The following FNDC1 variants were observed in gnomAD, a reference collection of about 807,000 sequenced individuals.
FNDC1 encodes fibronectin type III domain-containing protein 1.
In FNDC1, 96 loss-of-function variants were observed where a neutral mutation model predicts 168.0. That is an observed-to-expected ratio of 0.57 (90% CI 0.48 to 0.68). The LOEUF is 0.68. Ranked by LOEUF, FNDC1 falls within the 30% of genes least tolerant of loss-of-function variation. The pLI is 0.00. For synonymous variants in FNDC1, 1,099 were observed against 1,025.9 expected, an observed-to-expected ratio of 1.07 and a Z score of -1.36; for missense variants, 2,587 against 2,482.1, an observed-to-expected ratio of 1.04 and a Z score of -0.90.
chr6:159,209,366 A>G (rs962441950), intron 4 of FNDC1, among the ~76,000 whole-genome samples: 5 of 152,210 alleles, frequency 3.3e-5, no homozygotes, highest in Non-Finnish European at 5.9e-5. Context: ...GAAACAAACA[A>G]CACAAACTCT....
At chr6:159,237,482 T>G (rs1783288515) in intron 12 of FNDC1, among the ~76,000 whole-genome samples, 1 of 152,220 alleles carries the variant, frequency 6.6e-6, no homozygotes, top group South Asian at 2.1e-4. Context: ...ATAGAGATAA[T>G]TATAGCTTTC....
rs758984355 is a variant in FNDC1, at chr6:159,232,024, CCTT to C, written c.1519_1521del (p.Leu507del). 2 of 1,613,986 alleles carry C rather than the reference CCTT, an allele frequency of 1.2e-6. No homozygotes were observed. The highest frequency in any genetic ancestry group is 2.2e-5 in the South Asian group (2 of 91,072). ...CTCCCCAAGGGAGAAATGCCAAGGACCTTCTTCTTGACTTGAAGAACAAAATAT... is the reference window on the plus strand; with the variant it reads ...CTCCCCAAGGGAGAAATGCCAAGGACCTTCTTGACTTGAAGAACAAAATAT... On this transcript the variant is annotated inframe_deletion, in exon 11 of 23. Coordinates refer to ENST00000297267, the MANE Select transcript of FNDC1 (RefSeq NM_032532.3). This position sits in a 1 kb window ranked among gnomAD's most constrained non-coding sequence, Gnocchi z 4.9.
Position 159,266,247 on chromosome 6 carries a change from T to C in FNDC1, c.5446+2T>C. On this transcript the variant is annotated splice_donor_variant, in intron 21 of 22. Transcript: ENST00000297267. LOFTEE classifies it high-confidence loss of function. ...TCTACCTCAGTGACAACCTGAAAGG[T>C]AAGTCTTTGTGCATGGTTGGCTATG... The C allele has an allele frequency of 6.2e-7, 1 of 1,613,806 alleles. No homozygotes were observed. Among genetic ancestry groups the C allele is most frequent in the Non-Finnish European group, 8.5e-7 (1 of 1,179,738 alleles).
intron 1 of FNDC1, among the ~76,000 whole-genome samples, chr6:159,192,466 A>G (rs1191186621): frequency 2.6e-5 from 4 of 152,184 alleles, no homozygotes; most frequent in Admixed American, 2.6e-4. Flanking sequence ...TATTCTGAGA[A>G]ATAGTGCTTG....
intron 1 of FNDC1, among the ~76,000 whole-genome samples, chr6:159,196,310 C>G (rs757151907): frequency 2.6e-5 from 4 of 152,318 alleles, no homozygotes; most frequent in Admixed American, 2.6e-4. Context: ...CAAATTCATA[C>G]TCTTCTTTCA....
rs541907018 is a variant in FNDC1 at position 159,197,747 on chromosome 6, G to C, written c.304+122G>C. On this transcript the variant is annotated intron_variant, in intron 2 of 22. Transcript: ENST00000297267. ...GGCTCAAGGTCCCTTACGGTTCTTT[G>C]GGAATGGAGAGCTGAGTTCTGAGAT... 2.1e-5 allele frequency: 18 copies of C among 863,024 alleles called. No individual in the cohort carries two copies. The South Asian group carries it at 3.4e-4, about 16-fold the overall frequency. 53.5% of individuals were successfully genotyped at this position (863,024 alleles called of 1,614,324 possible).
Position 159,239,695 on chromosome 6 carries a change from C to G in FNDC1, c.4359C>G (p.Pro1453=). ...TTHPPTTTMQ[P]TTTTTPLPTT... ...ATCCCCCTACCACTACCATGCAGCCCACCACTACTACGACGCCCCTGCCTA... is the reference window on the plus strand; with the variant it reads ...ATCCCCCTACCACTACCATGCAGCCGACCACTACTACGACGCCCCTGCCTA... Residue 1453 remains proline, a synonymous_variant, in exon 14 of 23, where the codon CCC becomes CCG. Transcript: ENST00000297267. 1 of 1,551,170 alleles carries G rather than the reference C, an allele frequency of 6.4e-7. No homozygotes were observed. Among genetic ancestry groups the G allele is most frequent in the Non-Finnish European group, 8.7e-7 (1 of 1,146,930 alleles).
chr6:159,231,758 G>C (rs1459911194), intron 10 of FNDC1, 124 bp from the exon 11 acceptor site: 21 of 718,692 alleles, frequency 2.9e-5, no homozygotes, highest in Non-Finnish European at 4.5e-5. Context: ...TAAGGAATTA[G>C]AAGTTAGCCA....
chr6:159,269,597 GTCTATCTA>G (rs201581423), intron 22 of FNDC1, among the ~76,000 whole-genome samples: 62,706 of 122,540 alleles, frequency 0.51, 16,620 homozygotes, highest in Non-Finnish European at 0.61. Context: ...CTGTCTGTCT[GTCTATCTA>G]TCTATCTATC....
chr6:159,232,466 C>G lies in FNDC1; in HGVS notation c.1954C>G (p.Arg652Gly), dbSNP rs552768977. The change falls in exon 11 of 23, where the codon CGC (arginine) becomes GGC (glycine). Residue 652 changes from arginine (R) to glycine (G), a missense_variant. By Grantham distance (125) the Arg-to-Gly change is moderately radical (BLOSUM62 -2). Transcript: ENST00000297267. This position sits in a 1 kb window ranked among gnomAD's most constrained non-coding sequence, Gnocchi z 4.9. ...CTTGGTGGACTCAGACGAAGATGAGCGCGCTGTGGGCTCCCTCCACCCCAA... is the reference window on the plus strand; with the variant it reads ...CTTGGTGGACTCAGACGAAGATGAGGGCGCTGTGGGCTCCCTCCACCCCAA... The part of the protein sequence containing the change: ...NDLVDSDEDE[R>G]AVGSLHPKGA... 4 of 1,611,958 alleles carry G rather than the reference C, an allele frequency of 2.5e-6. No homozygotes were observed. In the African/African-American group the frequency reaches 4.0e-5, roughly 16 times the overall value.
At chr6:159,179,182 G>T (rs111258121) in intron 1 of FNDC1, among the ~76,000 whole-genome samples, 1 of 152,222 alleles carries the variant, frequency 6.6e-6, no homozygotes, top group East Asian at 1.9e-4. Context: ...TTGATAGCTG[G>T]GTGCAGTGGC....
intron 1 of FNDC1, among the ~76,000 whole-genome samples, chr6:159,183,779 G>A (rs1388355): frequency 0.28 from 42,153 of 152,040 alleles, 7,562 homozygotes; most frequent in African/African-American, 0.51. Flanking sequence ...CTAGGAGGAG[G>A]CGCTCACTGT....
At chr6:159,195,179 A>G (rs1418995894) in intron 1 of FNDC1, among the ~76,000 whole-genome samples, 1 of 152,192 alleles carries the variant, frequency 6.6e-6, no homozygotes, top group Non-Finnish European at 1.5e-5. Context: ...TATGTTAAAA[A>G]GAACCTTCAT....
intron 14 of FNDC1, among the ~76,000 whole-genome samples, chr6:159,242,230 G>A (rs1276115957): frequency 6.6e-6 from 1 of 152,178 alleles, no homozygotes; most frequent in African/African-American, 2.4e-5. Flanking sequence ...ATTAACACAG[G>A]AACAGAAAAC....
At chr6:159,248,772 A>T (rs964419931) in intron 15 of FNDC1, among the ~76,000 whole-genome samples, 1 of 151,824 alleles carries the variant, frequency 6.6e-6, no homozygotes, top group African/African-American at 2.4e-5. Flanking sequence ...CTAAAACCCC[A>T]TTTTTCTGGT....
In FNDC1 at chr6:159,213,199, G is replaced by A. The variant is rs139720290; in HGVS notation, c.461-1746G>A. Reference sequence around the variant, plus strand: ...AGGCCAGAGCCTGGAAGGGGGAAGCGTGTGCAATGAGCAGAAAGCTGTTGT... The same window carrying A: ...AGGCCAGAGCCTGGAAGGGGGAAGCATGTGCAATGAGCAGAAAGCTGTTGT... On this transcript the variant is annotated intron_variant, in intron 4 of 22. Coordinates refer to ENST00000297267, the MANE Select transcript of FNDC1 (RefSeq NM_032532.3). 4.1e-4 allele frequency among the ~76,000 whole-genome samples: 62 copies of A among 152,310 alleles called. No individual in the cohort carries two copies. In the South Asian group the frequency reaches 0.011, roughly 26 times the overall value.
chr6:159,223,504 C>A, intron 6 of FNDC1, 24 bp from the exon 7 acceptor site: 1 of 1,527,650 alleles, frequency 6.5e-7, no homozygotes, highest in Non-Finnish European at 9.0e-7. Context: ...GAAAGCCTTT[C>A]TCTGGGTCTC....
At chr6:159,196,278 T>G (rs554245834) in intron 1 of FNDC1, among the ~76,000 whole-genome samples, 14 of 152,294 alleles carry the variant, frequency 9.2e-5, no homozygotes, top group Admixed American at 7.8e-4. Flanking sequence ...TAGACATTCT[T>G]TCTCTAACGC....
intron 1 of FNDC1, among the ~76,000 whole-genome samples, chr6:159,179,781 A>T (rs1781842532): frequency 6.6e-6 from 1 of 152,206 alleles, no homozygotes; most frequent in Non-Finnish European, 1.5e-5. Context: ...TAAATAGCAG[A>T]GGCTCAGTGA....
Sources: gnomAD v4.1 joint callset for allele counts (sites outside exome capture counted in the v4.1 genomes callset) on GRCh38, gnomAD v4.1.1 for gene constraint, Gnocchi (gnomAD v3.1) non-coding constraint, MANE v1.5 for transcripts, NCBI Gene and HGNC (gene_info 2026-07-23, HGNC 2026-07-21) for gene names.